CLIP1: variants seen among roughly 807,000 people sequenced by gnomAD.
The protein encoded by CLIP1 is CAP-Gly domain containing linker protein 1, also known as CAP-Gly domain-containing linker protein 1.
CLIP1 carries 66 observed loss-of-function variants against 161.6 expected under a neutral mutation model. The observed-to-expected ratio is 0.41, with a 90% CI of 0.33 to 0.50. CLIP1 has a LOEUF of 0.50. Among genes scored for constraint, CLIP1 ranks in the 20% least tolerant of loss-of-function variants. The pLI, the probability that CLIP1 is intolerant of heterozygous loss-of-function variation, is 0.27. For synonymous variants in CLIP1, 598 were observed against 626.2 expected (o/e 0.96, Z 0.67); for missense variants, 1,376 against 1,702.0 (o/e 0.81, Z 3.37).
intron 7 of CLIP1, among the ~76,000 whole-genome samples, chr12:122,354,087 TCTGAGG>T (rs1566159672): frequency 4.6e-5 from 7 of 151,964 alleles, no homozygotes; most frequent in African/African-American, 1.7e-4. Flanking sequence ...GAAATTTTCT[TCTGAGG>T]TCATTGAAAA....
chr12:122,288,038 CT>C (rs544838998), intron 21 of CLIP1, among the ~76,000 whole-genome samples: 115 of 144,448 alleles, frequency 8.0e-4, no homozygotes, highest in Admixed American at 8.3e-4. Flanking sequence ...TTCTCTTTTT[CT>C]TTTTTTTTTT....
Position 122,377,885 on chromosome 12 carries a change from A to G in CLIP1, c.161T>C (p.Phe54Ser), listed in dbSNP as rs1375714257. ...CTCCCCAACTCGAAAGTCATCCACA[A>G]ATTCCTCCTGAGTCTCAGATGATGG... is the stretch of plus-strand genomic sequence containing the variant. The part of the protein sequence containing the change: ...STPSSETQEE[F>S]VDDFRVGERV... Residue 54 changes from phenylalanine (F) to serine (S), a missense_variant, in exon 3 of 26, where the codon TTT (phenylalanine) becomes TCT (serine). By Grantham distance (155) the Phe-to-Ser change is radical. Coordinates refer to ENST00000620786, the MANE Select transcript of CLIP1 (RefSeq NM_001247997.2). 3 of 1,613,904 alleles carry G rather than the reference A, an allele frequency of 1.9e-6. No homozygotes were observed. The highest frequency in any genetic ancestry group is 1.7e-5 in the Admixed American group (1 of 59,964).
chr12:122,422,673 A>G (rs1279281815), upstream of CLIP1: 1 of 139,218 alleles, frequency 7.2e-6, no homozygotes, highest in Non-Finnish European at 1.6e-5. Flanking sequence ...GCGCGCTGCC[A>G]GGAGAAGACG....
At position 122,341,765 on chromosome 12, in the gene CLIP1, T is replaced by C. The variant is rs1952517263; in HGVS notation, c.1507-68A>G. The C allele has an allele frequency of 8.4e-5, 14 of 165,794 alleles. No individual in the cohort carries two copies. The East Asian group carries it at 3.1e-3, about 36-fold the overall frequency. 10.3% of individuals were successfully genotyped at this position (165,794 alleles called of 1,614,324 possible). A position where few individuals can be genotyped will look rare whatever the true frequency, so the allele number is the denominator to read the frequency against. ...AAGTCATTGACTATTTTCTTTTCTT[T>C]TTTTTTTTTTTTTTTTTTTTTTTTT... On this transcript the variant is annotated intron_variant, in intron 10 of 25. Coordinates refer to ENST00000620786, the MANE Select transcript of CLIP1 (RefSeq NM_001247997.2).
chr12:122,333,230 C>T (rs770873695), intron 14 of CLIP1, 87 bp from the exon 15 acceptor site: 2 of 961,304 alleles, frequency 2.1e-6, no homozygotes, highest in Non-Finnish European at 3.1e-6. Flanking sequence ...GTAATATTTT[C>T]ACACAGCAAT....
intron 1 of CLIP1, among the ~76,000 whole-genome samples, chr12:122,397,177 C>T (rs1283464373): frequency 6.6e-6 from 1 of 151,944 alleles, no homozygotes; most frequent in Non-Finnish European, 1.5e-5. Flanking sequence ...GTGTGTGAGG[C>T]ATGTGCCACT....
intron 1 of CLIP1, among the ~76,000 whole-genome samples, chr12:122,421,015 A>G (rs1254845191): frequency 2.0e-5 from 3 of 149,710 alleles, no homozygotes; most frequent in Non-Finnish European, 4.5e-5. Flanking sequence ...CCCTATACTA[A>G]TCGAATAACT....
chr12:122,278,755 G>A (rs769127581), intron 23 of CLIP1, 37 bp downstream of exon 23: 13 of 1,536,392 alleles, frequency 8.5e-6, no homozygotes, highest in Middle Eastern at 2.5e-4. Context: ...GGGAGGACGC[G>A]GGGTGTACAG....
intron 20 of CLIP1, among the ~76,000 whole-genome samples, chr12:122,291,674 G>A (rs1006418241): frequency 1.3e-5 from 2 of 152,248 alleles, no homozygotes; most frequent in African/African-American, 4.8e-5. Context: ...GATATCAGGA[G>A]GTACACACTG....
At chr12:122,362,346 A>G (rs936074482) in intron 4 of CLIP1, among the ~76,000 whole-genome samples, 2 of 151,646 alleles carry the variant, frequency 1.3e-5, no homozygotes, top group Admixed American at 6.6e-5. Context: ...TACAGGAAAA[A>G]TCTAGTTAAA....
chr12:122,348,424 C>A (rs558617075), intron 9 of CLIP1, among the ~76,000 whole-genome samples: 1 of 152,118 alleles, frequency 6.6e-6, no homozygotes, highest in Non-Finnish European at 1.5e-5. Flanking sequence ...GACATAAAAA[C>A]GCAACTCAAC....
At chr12:122,352,617 A>C (rs1382457013) in intron 8 of CLIP1, 109 bp downstream of exon 8, 42 of 1,013,834 alleles carry the variant, frequency 4.1e-5, no homozygotes, top group Admixed American at 2.0e-4. Context: ...TTCCCCCGCC[A>C]CTTCCTCAGC....
chr12:122,354,802 G>A, intron 6 of CLIP1: 2 of 576,284 alleles, frequency 3.5e-6, no homozygotes, highest in South Asian at 4.3e-5. Flanking sequence ...CATATTAAGA[G>A]TAATCCACAA....
At chr12:122,392,037 G>A (rs944781037) in intron 1 of CLIP1, among the ~76,000 whole-genome samples, 1 of 152,202 alleles carries the variant, frequency 6.6e-6, no homozygotes, top group Non-Finnish European at 1.5e-5. Flanking sequence ...TTAGGGGGCT[G>A]AGGTGAGAGG....
At chr12:122,411,068 T>C (rs1364886105) in intron 1 of CLIP1, among the ~76,000 whole-genome samples, 1 of 152,168 alleles carries the variant, frequency 6.6e-6, no homozygotes, top group African/African-American at 2.4e-5. Flanking sequence ...AGCAATTCTA[T>C]AACATTCTTA....
chr12:122,319,390 G>A (rs371441508), intron 17 of CLIP1, 42 bp from the exon 18 acceptor site: 21 of 1,433,438 alleles, frequency 1.5e-5, no homozygotes, highest in African/African-American at 8.4e-5. Flanking sequence ...GACAGCCCTC[G>A]CCAACACCGT....
chr12:122,394,703 T>C (rs1955834687), intron 1 of CLIP1, among the ~76,000 whole-genome samples: 2 of 150,986 alleles, frequency 1.3e-5, no homozygotes, highest in African/African-American at 4.9e-5. Context: ...CTGGCCAACA[T>C]GGTGGAACCG....
At chr12:122,317,940 A>G (rs1045797950) in intron 18 of CLIP1, among the ~76,000 whole-genome samples, 3 of 152,198 alleles carry the variant, frequency 2.0e-5, no homozygotes, top group Admixed American at 2.0e-4. Context: ...GGTTAGACAC[A>G]TTCCCTAAAA....
intron 1 of CLIP1, among the ~76,000 whole-genome samples, chr12:122,410,490 G>A (rs528027770): frequency 1.8e-4 from 23 of 129,378 alleles, no homozygotes; most frequent in African/African-American, 6.0e-4. Context: ...ATGGAGTCTC[G>A]CTCTGTCACT....
Sources: allele counts gnomAD v4.1 joint callset (sites outside exome capture counted in the v4.1 genomes callset), GRCh38; gene constraint gnomAD v4.1.1; transcripts MANE v1.5; gene names NCBI Gene and HGNC (gene_info 2026-07-23, HGNC 2026-07-21).